EDIL3: variants seen among roughly 807,000 people sequenced by gnomAD.
EDIL3 encodes EGF-like repeat and discoidin I-like domain-containing protein 3.
EDIL3 carries 37 observed loss-of-function variants against 67.4 expected under a neutral mutation model. That is an observed-to-expected ratio of 0.55 (90% CI 0.42 to 0.72). The LOEUF is 0.72. Ranked by LOEUF, EDIL3 falls within the 30% of genes least tolerant of loss-of-function variation. EDIL3 has a pLI of 0.00. For missense variants in EDIL3, 527 were observed against 586.3 expected, an observed-to-expected ratio of 0.90 and a Z score of 1.04; for synonymous variants, 195 against 196.3, an observed-to-expected ratio of 0.99 and a Z score of 0.05.
At chr5:84,340,027 A>C (rs1397871595) in intron 1 of EDIL3, among the ~76,000 whole-genome samples, 1 of 152,104 alleles carries the variant, frequency 6.6e-6, no homozygotes, top group Non-Finnish European at 1.5e-5. Context: ...TTTTACATAG[A>C]AAAATATTAA....
chr5:84,154,746 C>A (rs149558685), intron 4 of EDIL3, among the ~76,000 whole-genome samples: 2,281 of 138,454 alleles, frequency 0.016, 68 homozygotes, highest in African/African-American at 0.058. Flanking sequence ...GTTGCCCAGG[C>A]TGAAGTGCTG....
intron 3 of EDIL3, among the ~76,000 whole-genome samples, chr5:84,207,213 T>A (rs1013029192): frequency 3.3e-5 from 5 of 152,052 alleles, no homozygotes; most frequent in Non-Finnish European, 4.4e-5. Context: ...GAATACAAAA[T>A]CAAAGTACAA....
chr5:84,294,384 CAAAAAAA>C lies in EDIL3; in HGVS notation c.68-40179_68-40173del, dbSNP rs1173407354. On this transcript the variant is annotated intron_variant, in intron 1 of 10. Transcript: ENST00000296591. Reference sequence around the variant, plus strand: ...TGGGTGACAGAGCGAGACTCTGTCTCAAAAAAAAAAAAAAAAAAAAAAAAAATTAAGT... The same window carrying C: ...TGGGTGACAGAGCGAGACTCTGTCTCAAAAAAAAAAAAAAAAAAATTAAGT... 3.5e-4 allele frequency among the ~76,000 whole-genome samples: 11 copies of C among 31,792 alleles called. No individual in the cohort carries two copies. In the South Asian group the frequency reaches 3.9e-3, roughly 11 times the overall value. The allele number at this position is 31,792 out of a possible 152,430, so 20.9% of individuals were successfully genotyped here.
rs77255852 is a variant in EDIL3 at position 84,065,767 on chromosome 5, C to T, written c.807+684G>A. Among the ~76,000 whole-genome samples the T allele has an allele frequency of 1.4e-3, 208 of 152,140 alleles. 7 individuals are homozygous for T. The East Asian group carries it at 0.033, about 24-fold the overall frequency. Reference sequence around the variant, plus strand: ...TATATATCTCTTCTATCACTTAGTGCTTTTTTGCTTTTAAGAAAATAGTTT... The same window carrying T: ...TATATATCTCTTCTATCACTTAGTGTTTTTTTGCTTTTAAGAAAATAGTTT... On this transcript the variant is annotated intron_variant, in intron 7 of 10. Transcript: ENST00000296591.
chr5:83,970,500 G>A (rs1030755356), intron 9 of EDIL3, among the ~76,000 whole-genome samples: 4 of 147,624 alleles, frequency 2.7e-5, no homozygotes, highest in Admixed American at 2.7e-4. Flanking sequence ...ATTTTTGTAT[G>A]GCTAAAAAGA....
At chr5:83,965,394 A>G (rs1744671379) in intron 9 of EDIL3, among the ~76,000 whole-genome samples, 1 of 152,110 alleles carries the variant, frequency 6.6e-6, no homozygotes, top group Non-Finnish European at 1.5e-5. Context: ...CTAACTGAGC[A>G]GAGACAGCAG....
intron 3 of EDIL3, among the ~76,000 whole-genome samples, chr5:84,212,381 G>A (rs1400982613): frequency 6.6e-6 from 1 of 152,112 alleles, no homozygotes; most frequent in Admixed American, 6.6e-5. Context: ...ACATACTAAA[G>A]GAATTCAAAT....
chr5:84,131,849 T>G (rs1375186398), intron 5 of EDIL3, among the ~76,000 whole-genome samples: 1 of 152,150 alleles, frequency 6.6e-6, no homozygotes, highest in African/African-American at 2.4e-5. Context: ...AATCTCATCA[T>G]GTATTTATCT....
intron 6 of EDIL3, among the ~76,000 whole-genome samples, chr5:84,081,409 A>C (rs1459966096): frequency 6.6e-6 from 1 of 152,222 alleles, no homozygotes; most frequent in African/African-American, 2.4e-5. Flanking sequence ...TTGAAGAAGA[A>C]ACAAGAGGAA....
intron 5 of EDIL3, among the ~76,000 whole-genome samples, chr5:84,126,328 C>G (rs1747868653): frequency 6.6e-6 from 1 of 152,002 alleles, no homozygotes; most frequent in Non-Finnish European, 1.5e-5. Context: ...AAACCATTAA[C>G]TCAGGTTTCT....
intron 1 of EDIL3, among the ~76,000 whole-genome samples, chr5:84,318,226 T>C (rs1217149943): frequency 6.6e-6 from 1 of 152,150 alleles, no homozygotes; most frequent in East Asian, 1.9e-4. Context: ...AAAATGGCCA[T>C]ACTGCCCAAA....
At position 84,075,483 on chromosome 5, in the gene EDIL3, C is replaced by CTTA. The variant is rs1554066688; in HGVS notation, c.652-8880_652-8878dup. ...GGGGCTTCTTCTTCTTCTTCTTCTT[C>CTTA]TTATTATTTTGAGACGGAGTCTTCC... is the stretch of plus-strand genomic sequence containing the variant. On this transcript the variant is annotated intron_variant, in intron 6 of 10. Transcript: ENST00000296591. Among the ~76,000 whole-genome samples, 1,343 of 151,058 alleles carry CTTA rather than the reference C, an allele frequency of 8.9e-3. 46 individuals are homozygous for CTTA. Among genetic ancestry groups the CTTA allele is most frequent in the East Asian group, 0.084 (425 of 5,054 alleles).
intron 6 of EDIL3, among the ~76,000 whole-genome samples, chr5:84,070,417 C>A: frequency 6.6e-6 from 1 of 152,166 alleles, no homozygotes; most frequent in East Asian, 1.9e-4. Context: ...CAATGACCTG[C>A]CCATCTGTCT....
At chr5:84,198,489 G>T (rs557353331) in intron 3 of EDIL3, among the ~76,000 whole-genome samples, 1 of 152,102 alleles carries the variant, frequency 6.6e-6, no homozygotes, top group Admixed American at 6.6e-5. Context: ...TTTATAACAA[G>T]CTTAAAAAGT....
At chr5:84,114,880 G>A (rs1028157417) in intron 5 of EDIL3, among the ~76,000 whole-genome samples, 2 of 152,122 alleles carry the variant, frequency 1.3e-5, no homozygotes, top group African/African-American at 4.8e-5. Context: ...AAGGTGTCCA[G>A]GTTAAATGAA....
At chr5:84,205,747 T>C (rs1209171534) in intron 3 of EDIL3, among the ~76,000 whole-genome samples, 2 of 152,212 alleles carry the variant, frequency 1.3e-5, no homozygotes, top group East Asian at 3.9e-4. Flanking sequence ...TTCTGTGGGA[T>C]CGGTGGTGAT....
rs184069333 is a variant in EDIL3, at chr5:84,021,086, T to A, written c.1137+39214A>T. Among the ~76,000 whole-genome samples, 285 of 152,180 alleles carry A rather than the reference T, an allele frequency of 1.9e-3. 2 individuals carry two copies. The highest frequency in any genetic ancestry group is 6.5e-3 in the African/African-American group (272 of 41,578). On this transcript the variant is annotated intron_variant, in intron 9 of 10. Transcript: ENST00000296591. ...AAAGACAGTTGTAATGTCTCCTTTT[T>A]TATTTCTGATGTTGTTTATTTGGAT...
At position 84,037,230 on chromosome 5, in the gene EDIL3, C is replaced by T. The variant is rs1746038103; in HGVS notation, c.1137+23070G>A. On this transcript the variant is annotated intron_variant, in intron 9 of 10. Transcript: ENST00000296591. ...TATTCCCTTCTTTCTCCCTACTCAG[C>T]TACTATGATTGGACCTGAAAGTTCC... Among the ~76,000 whole-genome samples the T allele has an allele frequency of 1.3e-5, 2 of 152,184 alleles. 1 individual carries two copies. Among genetic ancestry groups the T allele is most frequent in the South Asian group, 4.1e-4 (2 of 4,830 alleles).
chr5:84,127,081 A>G (rs1458699882), intron 5 of EDIL3, among the ~76,000 whole-genome samples: 1 of 152,034 alleles, frequency 6.6e-6, no homozygotes, highest in Non-Finnish European at 1.5e-5. Context: ...ATATCTCTGG[A>G]TTTTTCAGAG....
Sources: allele counts gnomAD v4.1 joint callset (sites outside exome capture counted in the v4.1 genomes callset), GRCh38; gene constraint gnomAD v4.1.1; transcripts MANE v1.5; gene names NCBI Gene and HGNC (gene_info 2026-07-23, HGNC 2026-07-21).